UST: variants seen among roughly 807,000 people sequenced by gnomAD.
The protein encoded by UST is uronyl 2-sulfotransferase.
UST carries 21 observed loss-of-function variants against 45.6 expected under a neutral mutation model. The ratio of observed to expected loss-of-function variants is 0.46; its 90% CI spans 0.33 to 0.66. The LOEUF (loss-of-function observed/expected upper bound fraction) is 0.66. Ranked by LOEUF, UST falls within the 30% of genes least tolerant of loss-of-function variation. The probability of loss-of-function intolerance (pLI) is 0.02; values close to 1 mark genes in which losing one functional copy is unlikely to be tolerated. For synonymous variants in UST, 215 were observed against 200.6 expected (o/e 1.07, Z -0.61); for missense variants, 463 against 512.4 (o/e 0.90, Z 0.93).
chr6:148,892,471 G>A (rs1202600750), intron 2 of UST, among the ~76,000 whole-genome samples: 1 of 152,182 alleles, frequency 6.6e-6, no homozygotes, highest in Non-Finnish European at 1.5e-5. Context: ...GGAGGGTGAT[G>A]CAATAGTGAC....
chr6:149,041,499 C>T (rs923696022), intron 7 of UST, among the ~76,000 whole-genome samples: 8 of 152,184 alleles, frequency 5.3e-5, no homozygotes, highest in African/African-American at 1.9e-4. Flanking sequence ...TTGTCCATGC[C>T]CCTTGCTCTT....
At chr6:148,796,761 G>C (rs562336391) in intron 1 of UST, among the ~76,000 whole-genome samples, 30 of 149,388 alleles carry the variant, frequency 2.0e-4, no homozygotes, top group Middle Eastern at 3.5e-3. Flanking sequence ...TCATGCCGCA[G>C]TGTTGCCCTT....
intron 1 of UST, among the ~76,000 whole-genome samples, chr6:148,836,079 ACAAT>A (rs1177782433): frequency 1.3e-5 from 2 of 152,120 alleles, no homozygotes; most frequent in Non-Finnish European, 2.9e-5. Flanking sequence ...TTTAATTTGA[ACAAT>A]CAGAGTTCAT....
intron 1 of UST, among the ~76,000 whole-genome samples, chr6:148,863,944 G>A (rs1778371269): frequency 6.6e-6 from 1 of 152,162 alleles, no homozygotes; most frequent in African/African-American, 2.4e-5. Flanking sequence ...TAGGCTACTC[G>A]GGGGTCAGGG....
intron 1 of UST, among the ~76,000 whole-genome samples, chr6:148,874,723 T>A (rs1349013368): frequency 6.6e-6 from 1 of 152,216 alleles, no homozygotes; most frequent in South Asian, 2.1e-4. Flanking sequence ...CATCACAGTG[T>A]TTTGGGGCTG....
At chr6:148,965,488 C>T (rs896242996) in intron 5 of UST, among the ~76,000 whole-genome samples, 2 of 152,144 alleles carry the variant, frequency 1.3e-5, no homozygotes, top group African/African-American at 4.8e-5. Context: ...GAAGATCGCC[C>T]AGAGCTGAGG....
intron 1 of UST, among the ~76,000 whole-genome samples, chr6:148,805,440 GTTTTTGTT>G (rs1335053209): frequency 6.6e-6 from 1 of 152,144 alleles, no homozygotes; most frequent in African/African-American, 2.4e-5. Context: ...AAGTTTTTGT[GTTTTTGTT>G]TTGTTCTTCT....
At chr6:148,975,154 C>T (rs1410257623) in intron 5 of UST, among the ~76,000 whole-genome samples, 2 of 152,220 alleles carry the variant, frequency 1.3e-5, no homozygotes, top group Non-Finnish European at 2.9e-5. Flanking sequence ...TTAGCCGAGA[C>T]CAGTCTTGAT....
chr6:149,043,468 G>T (rs1403099356), intron 7 of UST, among the ~76,000 whole-genome samples: 1 of 152,218 alleles, frequency 6.6e-6, no homozygotes, highest in Non-Finnish European at 1.5e-5. Context: ...GGGAAGCAAA[G>T]AATTTTCAGA....
intron 1 of UST, among the ~76,000 whole-genome samples, chr6:148,870,671 A>C (rs1244695674): frequency 6.6e-6 from 1 of 152,022 alleles, no homozygotes; most frequent in African/African-American, 2.4e-5. Flanking sequence ...TGACTCCACT[A>C]CAGGATGCAT....
chr6:148,824,125 G>A (rs1455188777), intron 1 of UST, among the ~76,000 whole-genome samples: 1 of 152,212 alleles, frequency 6.6e-6, no homozygotes, highest in Non-Finnish European at 1.5e-5. Flanking sequence ...TATTAGGCTT[G>A]TTAGGAGCAT....
At chr6:148,977,893 G>T (rs1374011347) in intron 5 of UST, among the ~76,000 whole-genome samples, 2 of 152,124 alleles carry the variant, frequency 1.3e-5, no homozygotes, top group Admixed American at 6.5e-5. Context: ...ACGTCTGTAT[G>T]TGGAGTCTTA....
chr6:148,976,824 T>G (rs1016887389), intron 5 of UST, among the ~76,000 whole-genome samples: 1 of 152,204 alleles, frequency 6.6e-6, no homozygotes, highest in Non-Finnish European at 1.5e-5. Context: ...CTCTTTTAAC[T>G]TTCTTTGTGA....
chr6:149,049,284 C>G (rs1354638008), intron 7 of UST, among the ~76,000 whole-genome samples: 2 of 152,126 alleles, frequency 1.3e-5, no homozygotes, highest in Non-Finnish European at 2.9e-5. Context: ...TAGCTAAATA[C>G]ATTTTGATAT....
chr6:149,049,561 A>T (rs1000920491), intron 7 of UST, among the ~76,000 whole-genome samples: 58 of 152,232 alleles, frequency 3.8e-4, no homozygotes, highest in African/African-American at 1.4e-3. Context: ...TGGGAAAAGC[A>T]TGAATTTTAG....
intron 1 of UST, among the ~76,000 whole-genome samples, chr6:148,777,640 G>A (rs1776561335): frequency 6.6e-6 from 1 of 152,172 alleles, no homozygotes; most frequent in South Asian, 2.1e-4. Context: ...CGCATCCCGG[G>A]TTCCAGTGAC....
intron 1 of UST, among the ~76,000 whole-genome samples, chr6:148,784,615 G>T (rs1024962209): frequency 6.6e-6 from 1 of 152,210 alleles, no homozygotes; most frequent in African/African-American, 2.4e-5. Flanking sequence ...GTGGAAAATT[G>T]TACATATATT....
At chr6:148,854,343 A>G (rs1182290301) in intron 1 of UST, among the ~76,000 whole-genome samples, 8 of 152,196 alleles carry the variant, frequency 5.3e-5, no homozygotes, top group African/African-American at 7.2e-5. Context: ...AACTTGCCCA[A>G]TCTATTTCAA....
intron 7 of UST, among the ~76,000 whole-genome samples, chr6:149,030,827 G>A (rs542786320): frequency 6.6e-5 from 10 of 152,196 alleles, no homozygotes; most frequent in African/African-American, 2.4e-4. Context: ...TTTGAGAATA[G>A]ATCTGTTTGA....
Sources: allele counts gnomAD v4.1 joint callset (sites outside exome capture counted in the v4.1 genomes callset), GRCh38; gene constraint gnomAD v4.1.1; transcripts MANE v1.5; gene names NCBI Gene and HGNC (gene_info 2026-07-23, HGNC 2026-07-21).